FLT1: variants seen among roughly 807,000 people sequenced by gnomAD.
FLT1 encodes fms related receptor tyrosine kinase 1, also known as vascular endothelial growth factor receptor 1.
In FLT1, 49 loss-of-function variants were observed where a neutral mutation model predicts 156.3. The observed-to-expected ratio is 0.31, with a 90% confidence interval of 0.25 to 0.40. FLT1 has a LOEUF of 0.40. Among genes scored for constraint, FLT1 ranks in the 10% least tolerant of loss-of-function variants. FLT1 has a pLI of 1.00. For missense variants in FLT1, 1,322 were observed against 1,637.2 expected, an observed-to-expected ratio of 0.81 and a Z score of 3.32; for synonymous variants, 594 against 583.8, an observed-to-expected ratio of 1.02 and a Z score of -0.25.
chr13:28,384,059 G>A (rs1028595044), intron 14 of FLT1, among the ~76,000 whole-genome samples: 11 of 152,232 alleles, frequency 7.2e-5, no homozygotes, highest in Admixed American at 3.9e-4. Flanking sequence ...GTAGATTTAT[G>A]TTTTTTACTA....
chr13:28,492,600 T>C (rs1881530546), intron 1 of FLT1, among the ~76,000 whole-genome samples: 1 of 152,178 alleles, frequency 6.6e-6, no homozygotes, highest in African/African-American at 2.4e-5. Flanking sequence ...TATTAATAGC[T>C]GATAAGTATT....
intron 24 of FLT1, 61 bp from the exon 25 acceptor site, chr13:28,317,658 G>A (rs760944312): frequency 7.8e-6 from 8 of 1,024,476 alleles, no homozygotes; most frequent in Admixed American, 1.7e-5. Context: ...AAAAGACCAA[G>A]AGGGGACAAT....
intron 10 of FLT1, among the ~76,000 whole-genome samples, chr13:28,410,090 T>C (rs1228652484): frequency 6.6e-6 from 1 of 152,248 alleles, no homozygotes; most frequent in Non-Finnish European, 1.5e-5. Flanking sequence ...TGAAGTATAA[T>C]GCACAATGCA....
At chr13:28,418,028 A>T (rs1354761697) in intron 10 of FLT1, among the ~76,000 whole-genome samples, 1 of 152,206 alleles carries the variant, frequency 6.6e-6, no homozygotes, top group Non-Finnish European at 1.5e-5. Context: ...CAGGACATTA[A>T]TTCTGAACAA....
chr13:28,423,850 AAAAAT>A (rs1398137475), intron 10 of FLT1, among the ~76,000 whole-genome samples: 2 of 152,236 alleles, frequency 1.3e-5, no homozygotes, highest in Non-Finnish European at 2.9e-5. Flanking sequence ...TGAGGATGAG[AAAAAT>A]AAAATATTCC....
At chr13:28,432,792 G>A (rs1464238360) in intron 6 of FLT1, among the ~76,000 whole-genome samples, 1 of 152,170 alleles carries the variant, frequency 6.6e-6, no homozygotes, top group African/African-American at 2.4e-5. Flanking sequence ...ATGCTAGCAG[G>A]ATAAAAGTTT....
intron 26 of FLT1, 72 bp downstream of exon 26, chr13:28,311,919 TAA>T: frequency 1.9e-6 from 2 of 1,043,752 alleles, no homozygotes; most frequent in Non-Finnish European, 2.8e-6. Context: ...TAATAGCTCT[TAA>T]AAAAAAAACA....
intron 14 of FLT1, among the ~76,000 whole-genome samples, chr13:28,372,578 A>G (rs1299883470): frequency 2.5e-4 from 30 of 120,510 alleles, no homozygotes; most frequent in African/African-American, 6.7e-4. Context: ...ATATATATAT[A>G]TATATATATA....
At chr13:28,414,055 A>C (rs577206614) in intron 10 of FLT1, among the ~76,000 whole-genome samples, 8 of 152,330 alleles carry the variant, frequency 5.3e-5, no homozygotes, top group Non-Finnish European at 1.0e-4. Flanking sequence ...CTTTGGTGCT[A>C]TGTCATTGGC....
At chr13:28,417,671 G>GTTT (rs11450136) in intron 10 of FLT1, among the ~76,000 whole-genome samples, 3 of 144,962 alleles carry the variant, frequency 2.1e-5, no homozygotes, top group Non-Finnish European at 3.0e-5. Flanking sequence ...CCTTAATTCC[G>GTTT]TTTTTTTTTT....
Position 28,368,761 on chromosome 13 carries a change from A to ATCTC in FLT1, c.2117-11077_2117-11076insGAGA, listed in dbSNP as rs1873421090. 3 of 652,756 alleles carry ATCTC rather than the reference A, an allele frequency of 4.6e-6. No individual in the cohort carries two copies. The African/African-American group carries it at 5.6e-5, about 12-fold the overall frequency. The allele number at this position is 652,756 out of a possible 1,614,324, so 40.4% of individuals were successfully genotyped here. A position where few individuals can be genotyped will look rare whatever the true frequency, so the allele number is the denominator to read the frequency against. The stretch of plus-strand genomic sequence containing the variant: ...CTCTTGTTGCCCAGGCTGGAGTGCA[A>ATCTC]TGGTGCAATCTCTGCGCACTGCAAT... On this transcript the variant is annotated intron_variant, in intron 14 of 29. Coordinates refer to ENST00000282397, the MANE Select transcript of FLT1 (RefSeq NM_002019.4).
chr13:28,372,566 G>GTGTATATATATATATATA (rs1555232432), intron 14 of FLT1, among the ~76,000 whole-genome samples: 6 of 91,458 alleles, frequency 6.6e-5, no homozygotes, highest in African/African-American at 1.9e-4. Flanking sequence ...TAAATAAAAT[G>GTGTATATATATATATATA]TATATATATA....
intron 3 of FLT1, among the ~76,000 whole-genome samples, chr13:28,454,310 C>T (rs767243576): frequency 4.6e-5 from 7 of 152,140 alleles, no homozygotes; most frequent in Non-Finnish European, 8.8e-5. Context: ...TGAAGTAATA[C>T]TCTTCTCATT....
In FLT1 at chr13:28,313,948, A is replaced by G. The variant is rs906261786; in HGVS notation, c.3387-1850T>C. Reference sequence around the variant, plus strand: ...GTGGTGGCTCACACCTGTAGTCCCAATGCTTTGGGAGGCCATGGTGGGACA... The same window carrying G: ...GTGGTGGCTCACACCTGTAGTCCCAGTGCTTTGGGAGGCCATGGTGGGACA... On this transcript the variant is annotated intron_variant, in intron 25 of 29. Coordinates refer to ENST00000282397, the MANE Select transcript of FLT1 (RefSeq NM_002019.4). 6.0e-5 allele frequency among the ~76,000 whole-genome samples: 9 copies of G among 151,110 alleles called. No homozygotes were observed. In the East Asian group the frequency reaches 9.7e-4, roughly 16 times the overall value.
Position 28,302,690 on chromosome 13 carries a change from CT to C in FLT1, c.*476del, listed in dbSNP as rs1870562805. On this transcript the variant is annotated 3_prime_UTR_variant, in exon 30 of 30. Coordinates refer to ENST00000282397, the MANE Select transcript of FLT1 (RefSeq NM_002019.4). ...TCTCCCTTGCTTTTTGCTTTTTTTC[CT>C]TTTCCTCCTCACATGTCTTAGGCCT... 2 of 235,128 alleles carry C rather than the reference CT, an allele frequency of 8.5e-6. No homozygotes were observed. Among genetic ancestry groups the C allele is most frequent in the East Asian group, 1.2e-4 (2 of 16,638 alleles). 14.6% of individuals were successfully genotyped at this position (235,128 alleles called of 1,614,324 possible).
chr13:28,375,662 G>A (rs770226391), intron 14 of FLT1, among the ~76,000 whole-genome samples: 1 of 152,174 alleles, frequency 6.6e-6, no homozygotes. Context: ...CCTTGATCTG[G>A]ATGTAGAGAG....
chr13:28,412,381 T>TTTCTTTCTTTCCTTCCTTCC (rs1555236532), intron 10 of FLT1, among the ~76,000 whole-genome samples: 5 of 88,300 alleles, frequency 5.7e-5, no homozygotes, highest in African/African-American at 1.9e-4. Flanking sequence ...TCTTTCTTTC[T>TTTCTTTCTTTCCTTCCTTCC]TTCTTTCTTT....
chr13:28,306,599 C>T, intron 29 of FLT1, 79 bp downstream of exon 29: 8 of 1,021,194 alleles, frequency 7.8e-6, no homozygotes, highest in Non-Finnish European at 1.2e-5. Flanking sequence ...TCAAACATCC[C>T]TCATTATACC....
Position 28,384,948 on chromosome 13 carries a change from T to G in FLT1, c.2053A>C (p.Asn685His), listed in dbSNP as rs755754792. The G allele has an allele frequency of 1.2e-6, 2 of 1,614,070 alleles. No homozygotes were observed. Among genetic ancestry groups the G allele is most frequent in the African/African-American group, 1.3e-5 (1 of 75,062 alleles). Reference protein sequence around the residue: ...SSSTTLDCHANGVPEPQITWF... With the variant: ...SSSTTLDCHAHGVPEPQITWF... ...GTGATCTGAGGCTCGGGGACACCAT[T>G]AGCATGACAGTCTAAAGTGGTGGAA... The change falls in exon 14 of 30, where the codon AAT becomes CAT. Residue 685 changes from asparagine to histidine, a missense_variant. Physicochemically the swap from Asn to His is moderately conservative, Grantham distance 68. Around this residue, in one of 3 missense-constraint regions of FLT1, gnomAD observed 991 missense variants for 1,254.8 expected, o/e 0.79. Coordinates refer to ENST00000282397, the MANE Select transcript of FLT1 (RefSeq NM_002019.4).
Sources: allele counts gnomAD v4.1 joint callset (sites outside exome capture counted in the v4.1 genomes callset), GRCh38; gene constraint gnomAD v4.1.1; regional missense constraint gnomAD v4.1.1; transcripts MANE v1.5; gene names NCBI Gene and HGNC (gene_info 2026-07-23, HGNC 2026-07-21).